SLC35F3: variants seen among roughly 807,000 people sequenced by gnomAD.
SLC35F3 encodes putative thiamine transporter SLC35F3.
A neutral mutation model predicts 49.9 loss-of-function variants in SLC35F3; 25 were observed. The observed-to-expected ratio is 0.50, with a 90% CI of 0.37 to 0.70. The LOEUF is 0.70. SLC35F3 is among the 30% of genes least tolerant of loss of function. SLC35F3 has a pLI of 0.00. For missense variants in SLC35F3, 525 were observed against 639.8 expected, an observed-to-expected ratio of 0.82 and a Z score of 1.94; for synonymous variants, 275 against 265.4, an observed-to-expected ratio of 1.04 and a Z score of -0.35.
intron 3 of SLC35F3, among the ~76,000 whole-genome samples, chr1:234,290,498 C>T (rs921516137): frequency 3.9e-5 from 6 of 152,180 alleles, no homozygotes; most frequent in East Asian, 1.9e-4. Flanking sequence ...GGGTTAACCT[C>T]AGTGCACTTG....
chr1:233,926,116 G>T (rs1051770131), intron 2 of SLC35F3, among the ~76,000 whole-genome samples: 3 of 152,078 alleles, frequency 2.0e-5, no homozygotes, highest in African/African-American at 4.8e-5. Context: ...GTGTCTTGGG[G>T]TTGCTCTTCT....
At chr1:234,143,129 T>C (rs1162844789) in intron 2 of SLC35F3, among the ~76,000 whole-genome samples, 5 of 152,138 alleles carry the variant, frequency 3.3e-5, no homozygotes, top group African/African-American at 1.2e-4. Context: ...CATGCTGTAC[T>C]TTAGACCTCT....
At chr1:234,086,070 A>G (rs1165680473) in intron 2 of SLC35F3, among the ~76,000 whole-genome samples, 1 of 152,214 alleles carries the variant, frequency 6.6e-6, no homozygotes, top group East Asian at 1.9e-4. Context: ...CCCTTCCATC[A>G]TACCATCCTA....
chr1:234,009,426 A>G (rs1466704130), intron 2 of SLC35F3, among the ~76,000 whole-genome samples: 1 of 152,206 alleles, frequency 6.6e-6, no homozygotes, highest in Non-Finnish European at 1.5e-5. Context: ...GAAGGATGAC[A>G]TGTAATCACA....
intron 2 of SLC35F3, among the ~76,000 whole-genome samples, chr1:233,964,733 A>G (rs1662873241): frequency 6.6e-6 from 1 of 152,238 alleles, no homozygotes; most frequent in Admixed American, 6.5e-5. Context: ...GAGAAATGCA[A>G]TGCAATATGA....
At chr1:234,310,152 C>T (rs754924404) in intron 4 of SLC35F3, among the ~76,000 whole-genome samples, 11 of 152,156 alleles carry the variant, frequency 7.2e-5, no homozygotes, top group Non-Finnish European at 1.0e-4. Flanking sequence ...CTGTCACTGC[C>T]CCGTCATCAC....
intron 2 of SLC35F3, among the ~76,000 whole-genome samples, chr1:233,920,163 CG>C (rs1294098559): frequency 6.6e-6 from 1 of 152,016 alleles, no homozygotes; most frequent in Non-Finnish European, 1.5e-5. Flanking sequence ...TTGTAAGTTA[CG>C]GGGTTACCCT....
In SLC35F3 at chr1:234,323,001, C is replaced by G. The variant is rs1657663254; in HGVS notation, c.1238-7C>G. 1.9e-6 allele frequency: 3 copies of G among 1,612,610 alleles called. No individual in the cohort carries two copies. The highest frequency in any genetic ancestry group is 2.5e-6 in the Non-Finnish European group (3 of 1,179,188). On this transcript the variant is annotated splice_region_variant and splice_polypyrimidine_tract_variant and intron_variant, in intron 7 of 7. Transcript: ENST00000366618. The surrounding 1 kb of genome is among the most constrained non-coding windows in gnomAD (Gnocchi z 4.5). ...GCTGAGAAACCTCCATGCTCTGTCT[C>G]CCACAGTGATTGATCACTACACCAG...
chr1:234,120,426 C>T (rs1295583150), intron 2 of SLC35F3, among the ~76,000 whole-genome samples: 2 of 152,214 alleles, frequency 1.3e-5, no homozygotes. Context: ...AAACCGTGCT[C>T]AGCATGTCCA....
At chr1:234,070,473 AGT>A (rs1039422084) in intron 2 of SLC35F3, among the ~76,000 whole-genome samples, 1 of 152,232 alleles carries the variant, frequency 6.6e-6, no homozygotes, top group African/African-American at 2.4e-5. Flanking sequence ...GATTTTTTAA[AGT>A]ATGTATTCCA....
At chr1:234,275,718 A>T (rs77752285) in intron 3 of SLC35F3, among the ~76,000 whole-genome samples, 194 of 151,134 alleles carry the variant, frequency 1.3e-3, no homozygotes, top group Non-Finnish European at 2.6e-3. Context: ...CGATCAGGTC[A>T]ACTCTGATAA....
At chr1:234,161,403 A>G (rs1408176976) in intron 2 of SLC35F3, among the ~76,000 whole-genome samples, 2 of 152,160 alleles carry the variant, frequency 1.3e-5, no homozygotes, top group African/African-American at 4.8e-5. Context: ...GAGCTACACT[A>G]TGCTGCTTCC....
chr1:234,147,839 T>C (rs12074333), intron 2 of SLC35F3, among the ~76,000 whole-genome samples: 10,386 of 152,290 alleles, frequency 0.068, 582 homozygotes, highest in African/African-American at 0.14. Flanking sequence ...AGTGCTGGGT[T>C]CCACCCCCAG....
chr1:234,047,451 G>A (rs1572031576), intron 2 of SLC35F3, among the ~76,000 whole-genome samples: 1 of 152,348 alleles, frequency 6.6e-6, no homozygotes, highest in East Asian at 1.9e-4. Context: ...TTACAAGGAA[G>A]AGGGAATTCC....
At position 233,991,481 on chromosome 1, in the gene SLC35F3, A is replaced by G. The variant is rs1207220836; in HGVS notation, c.283+85723A>G. Among the ~76,000 whole-genome samples the G allele has an allele frequency of 4.6e-5, 7 of 152,196 alleles. No individual in the cohort carries two copies. In the South Asian group the frequency reaches 6.2e-4, roughly 14 times the overall value. ...AGAAAAATAAAGAAAAAAGAAAAAA[A>G]ACTAGAGGGTACAATTACCTGGCTG... On this transcript the variant is annotated intron_variant, in intron 2 of 7. Coordinates refer to ENST00000366618, the MANE Select transcript of SLC35F3 (RefSeq NM_173508.4).
At chr1:234,276,729 A>G (rs1035085872) in intron 3 of SLC35F3, among the ~76,000 whole-genome samples, 6 of 152,234 alleles carry the variant, frequency 3.9e-5, no homozygotes, top group Non-Finnish European at 7.3e-5. Flanking sequence ...GTCACGTTCT[A>G]TGCCTGTATT....
intron 3 of SLC35F3, among the ~76,000 whole-genome samples, chr1:234,266,854 T>C (rs1277104063): frequency 6.6e-6 from 1 of 151,202 alleles, no homozygotes; most frequent in Non-Finnish European, 1.5e-5. Flanking sequence ...TTGACCAAAA[T>C]GTCCATATGA....
At chr1:234,014,975 T>A (rs1228549730) in intron 2 of SLC35F3, among the ~76,000 whole-genome samples, 1 of 151,986 alleles carries the variant, frequency 6.6e-6, no homozygotes, top group East Asian at 1.9e-4. Context: ...AGAAAAACAA[T>A]CCTAAAATTA....
At chr1:233,967,262 C>G (rs1008957546) in intron 2 of SLC35F3, among the ~76,000 whole-genome samples, 1 of 151,774 alleles carries the variant, frequency 6.6e-6, no homozygotes, top group East Asian at 1.9e-4. Flanking sequence ...CCACCCCAAA[C>G]ATGTGTTTGA....
Sources: gnomAD v4.1 joint callset for allele counts (sites outside exome capture counted in the v4.1 genomes callset) on GRCh38, gnomAD v4.1.1 for gene constraint, Gnocchi (gnomAD v3.1) non-coding constraint, MANE v1.5 for transcripts, NCBI Gene and HGNC (gene_info 2026-07-23, HGNC 2026-07-21) for gene names.